Variants in BOC observed in about 807,000 individuals in gnomAD.
The protein encoded by BOC is BOC cell adhesion associated, oncogene regulated, also known as brother of CDO.
In BOC, 76 loss-of-function variants were observed where a neutral mutation model predicts 112.0. The ratio of observed to expected loss-of-function variants is 0.68; its 90% CI spans 0.56 to 0.82. BOC has a LOEUF of 0.82. Among genes scored for constraint, BOC ranks in the 40% least tolerant of loss-of-function variants. The probability of loss-of-function intolerance (pLI) is 0.00; values close to 1 mark genes in which losing one functional copy is unlikely to be tolerated. For synonymous variants in BOC, 580 were observed against 599.8 expected, an observed-to-expected ratio of 0.97 and a Z score of 0.48; for missense variants, 1,309 against 1,511.7, an observed-to-expected ratio of 0.87 and a Z score of 2.22.
chr3:113,220,813 G>A (rs1345233622), intron 2 of BOC, among the ~76,000 whole-genome samples: 1 of 152,190 alleles, frequency 6.6e-6, no homozygotes, highest in Admixed American at 6.5e-5. Flanking sequence ...AATTGAGAGA[G>A]GAAAAGGACT....
At chr3:113,266,326 T>C (rs1947477643) in intron 4 of BOC, among the ~76,000 whole-genome samples, 1 of 152,222 alleles carries the variant, frequency 6.6e-6, no homozygotes, top group African/African-American at 2.4e-5. Flanking sequence ...GGAATATCCA[T>C]CCTGTCACTG....
intron 6 of BOC, chr3:113,271,282 C>G (rs994248096): frequency 2.0e-6 from 1 of 501,128 alleles, no homozygotes; most frequent in Non-Finnish European, 3.9e-6. Context: ...CAGCAGCGGA[C>G]ACAGCATGTG....
chr3:113,238,063 T>A (rs1943808001), intron 2 of BOC, among the ~76,000 whole-genome samples: 1 of 152,096 alleles, frequency 6.6e-6, no homozygotes, highest in Non-Finnish European at 1.5e-5. Context: ...ATATAAGGTG[T>A]GTGAGATGCT....
chr3:113,231,962 A>G (rs1221976411), intron 2 of BOC, among the ~76,000 whole-genome samples: 1 of 152,230 alleles, frequency 6.6e-6, no homozygotes, highest in Non-Finnish European at 1.5e-5. Context: ...GTTTGCCTGC[A>G]GCATAGTGAT....
intron 2 of BOC, among the ~76,000 whole-genome samples, chr3:113,217,443 C>T (rs775616389): frequency 7.2e-5 from 11 of 152,112 alleles, no homozygotes; most frequent in Non-Finnish European, 1.5e-4. Context: ...AGGAGGATCC[C>T]TTGAGCCCAG....
intron 7 of BOC, 89 bp from the exon 8 acceptor site, chr3:113,272,980 G>C: frequency 6.8e-7 from 1 of 1,473,832 alleles, no homozygotes; most frequent in Non-Finnish European, 9.2e-7. Context: ...AAGGGCAGGG[G>C]AGCTGCTCCT....
intron 4 of BOC, among the ~76,000 whole-genome samples, chr3:113,266,204 T>C (rs181662315): frequency 6.1e-4 from 93 of 152,320 alleles, no homozygotes; most frequent in Admixed American, 6.5e-4. Flanking sequence ...ATCTCTGTTT[T>C]TTGTTAAGTT....
At chr3:113,279,132 G>A (rs544386670) in intron 11 of BOC, 117 bp from the exon 12 acceptor site, 2 of 1,038,462 alleles carry the variant, frequency 1.9e-6, no homozygotes, top group South Asian at 1.5e-5. Context: ...CTGTGGGGAG[G>A]AGCGGGCCCG....
In BOC at chr3:113,274,800, C is replaced by T; in HGVS notation, c.1542+118C>T. 1 of 1,074,480 alleles carries T rather than the reference C, an allele frequency of 9.3e-7. No individual in the cohort carries two copies. Among genetic ancestry groups the T allele is most frequent in the Non-Finnish European group, 1.3e-6 (1 of 763,048 alleles). 66.6% of individuals were successfully genotyped at this position (1,074,480 alleles called of 1,614,324 possible). ...CTCCTGAAGCCTGAGCCGGTAATCC[C>T]CACCACTAAACAGGCCCTTCTGTCT... On this transcript the variant is annotated intron_variant, in intron 9 of 19. Transcript: ENST00000682979. The surrounding 1 kb of genome is among the most constrained non-coding windows in gnomAD (Gnocchi z 4.8).
chr3:113,251,271 C>A (rs1945607524), intron 4 of BOC: 2 of 299,556 alleles, frequency 6.7e-6, no homozygotes, highest in African/African-American at 2.1e-5. Context: ...CACCAAGAGA[C>A]ATGGGCAGGG....
chr3:113,252,950 C>T (rs1158369175), intron 4 of BOC, among the ~76,000 whole-genome samples: 1 of 152,134 alleles, frequency 6.6e-6, no homozygotes, highest in Admixed American at 6.5e-5. Flanking sequence ...GCAGAGGGGT[C>T]ATCTCATCAC....
intron 1 of BOC, 190 bp downstream of exon 1, chr3:113,212,206 GA>G (rs1938293214): frequency 6.6e-6 from 1 of 151,012 alleles, no homozygotes; most frequent in African/African-American, 2.4e-5. Context: ...AGCTGCGGCC[GA>G]GGCTGGGCGC....
At chr3:113,230,568 G>C (rs1463840413) in intron 2 of BOC, among the ~76,000 whole-genome samples, 1 of 152,130 alleles carries the variant, frequency 6.6e-6, no homozygotes, top group Non-Finnish European at 1.5e-5. Flanking sequence ...GAATACTACC[G>C]ACCTCATATA....
In BOC at chr3:113,274,125, T is replaced by C. The variant is rs529377567; in HGVS notation, c.1235-250T>C. On this transcript the variant is annotated intron_variant, in intron 8 of 19. Transcript: ENST00000682979. This position sits in a 1 kb window ranked among gnomAD's most constrained non-coding sequence, Gnocchi z 4.8. Reference sequence around the variant, plus strand: ...TGCACCTCACGTGGATTCAGGAGTTTGCTTGCCATACCCAAGCCACCCCTG... The same window carrying C: ...TGCACCTCACGTGGATTCAGGAGTTCGCTTGCCATACCCAAGCCACCCCTG... Among the ~76,000 whole-genome samples, 1 of 152,312 alleles carries C rather than the reference T, an allele frequency of 6.6e-6. No individual in the cohort carries two copies. Among genetic ancestry groups the C allele is most frequent in the East Asian group, 1.9e-4 (1 of 5,168 alleles).
intron 2 of BOC, among the ~76,000 whole-genome samples, chr3:113,240,926 C>T (rs531382152): frequency 4.6e-5 from 7 of 152,288 alleles, no homozygotes; most frequent in African/African-American, 1.2e-4. Context: ...TGCAAAGAGG[C>T]GCCTAATGCC....
intron 2 of BOC, among the ~76,000 whole-genome samples, chr3:113,248,064 A>C (rs1945150022): frequency 6.6e-6 from 1 of 152,146 alleles, no homozygotes; most frequent in Non-Finnish European, 1.5e-5. Flanking sequence ...ATCGGGAAAG[A>C]ACTCTTGGAA....
intron 6 of BOC, 61 bp from the exon 7 acceptor site, chr3:113,272,349 C>G (rs3930154): frequency 0.53 from 833,662 of 1,558,768 alleles, 225,625 homozygotes; most frequent in Admixed American, 0.71. Flanking sequence ...GCCTCCTGGG[C>G]ATGCTCTACA....
At chr3:113,249,997 C>A in intron 3 of BOC, 98 bp downstream of exon 3, 1 of 1,013,578 alleles carries the variant, frequency 9.9e-7, no homozygotes, top group South Asian at 1.4e-5. Context: ...ACCTGGATTT[C>A]AAAGAACACT....
At chr3:113,231,179 A>G (rs1272456767) in intron 2 of BOC, among the ~76,000 whole-genome samples, 1 of 152,236 alleles carries the variant, frequency 6.6e-6, no homozygotes, top group African/African-American at 2.4e-5. Context: ...CAGTGGTGGC[A>G]TGAGAATATT....
Sources: allele counts gnomAD v4.1 joint callset (sites outside exome capture counted in the v4.1 genomes callset), GRCh38; gene constraint gnomAD v4.1.1; non-coding constraint Gnocchi (gnomAD v3.1); transcripts MANE v1.5; gene names NCBI Gene and HGNC (gene_info 2026-07-23, HGNC 2026-07-21).